The following SBF1 variants were observed in gnomAD, a reference collection of about 807,000 sequenced individuals.
SBF1 encodes the protein SET binding factor 1.
SBF1 carries 65 observed loss-of-function variants against 215.8 expected under a neutral mutation model. The observed-to-expected ratio is 0.30, with a 90% CI of 0.25 to 0.37. The LOEUF is 0.37. SBF1 is among the 10% of genes least tolerant of loss of function. The probability of loss-of-function intolerance (pLI) is 1.00; values close to 1 mark genes in which losing one functional copy is unlikely to be tolerated. For synonymous variants in SBF1, 1,410 were observed against 1,122.8 expected, an observed-to-expected ratio of 1.26 and a Z score of -5.11; for missense variants, 2,634 against 2,667.8, an observed-to-expected ratio of 0.99 and a Z score of 0.28.
At chr22:50,447,729 C>T in intron 38 of SBF1, 120 bp from the exon 39 acceptor site, 1 of 703,530 alleles carries the variant, frequency 1.4e-6, no homozygotes, top group South Asian at 1.7e-5. Flanking sequence ...ACCCTGTCCC[C>T]AGAACTGACC....
rs756954512 is a variant in SBF1 at position 50,464,813 on chromosome 22, T to A, written c.1431+6A>T. The A allele has an allele frequency of 2.9e-5, 46 of 1,613,366 alleles. No homozygotes were observed. The Admixed American group carries it at 5.3e-4, about 19-fold the overall frequency. ...ACGACGCCCTCCCGTCCTGCTACCC[T>A]CGTACGTTCTTGTAGAGCTGCTCTG... On this transcript the variant is annotated splice_donor_region_variant and intron_variant, in intron 13 of 40. Coordinates refer to ENST00000380817, the MANE Select transcript of SBF1 (RefSeq NM_002972.4).
chr22:50,456,918 G>A (rs998831757), intron 29 of SBF1, 116 bp downstream of exon 29: 54 of 908,890 alleles, frequency 5.9e-5, no homozygotes, highest in Middle Eastern at 2.2e-4. Flanking sequence ...CTCGGGAGAC[G>A]GGTCGTTAGT....
In SBF1 at chr22:50,461,548, G is replaced by T; in HGVS notation, c.2814C>A (p.Phe938Leu). 1 of 1,605,270 alleles carries T rather than the reference G, an allele frequency of 6.2e-7. No homozygotes were observed. Residue 938 changes from phenylalanine (F) to leucine (L), a missense_variant, in exon 22 of 41, where the codon TTC becomes TTA. By Grantham distance (22) the Phe-to-Leu change is conservative. Coordinates refer to ENST00000380817, the MANE Select transcript of SBF1 (RefSeq NM_002972.4). ...AVFLTTYRVI[F>L]TGMPTDPLVG... ...CCAGGGGGTCCGTGGGCATCCCCGT[G>T]AAGATGACCCGGTACGTGGTGAGGA...
chr22:50,452,328 C>T (rs2067078265), intron 36 of SBF1, among the ~76,000 whole-genome samples: 1 of 152,000 alleles, frequency 6.6e-6, no homozygotes, highest in Non-Finnish European at 1.5e-5. Flanking sequence ...AATAACCAGA[C>T]CAGATTATAC....
rs1427646408 is a variant in SBF1, at chr22:50,456,267, G to A, written c.4215C>T (p.Pro1405=). Residue 1405 remains proline, a synonymous_variant, in exon 31 of 41, where the codon CCC becomes CCT. Transcript: ENST00000380817. ...ACVPGCPAAE[P]SPASFLRSLE... ...GTGAGCGCAGGAAGGAGGCTGGGCTGGGCTCAGCAGCGGGGCAGCCTGGGA... is the reference window on the plus strand; with the variant it reads ...GTGAGCGCAGGAAGGAGGCTGGGCTAGGCTCAGCAGCGGGGCAGCCTGGGA... 6.2e-7 allele frequency: 1 copy of A among 1,612,744 alleles called. No individual in the cohort carries two copies. Among genetic ancestry groups the A allele is most frequent in the Non-Finnish European group, 8.5e-7 (1 of 1,179,954 alleles).
At chr22:50,464,511 C>T in intron 14 of SBF1, 23 bp downstream of exon 14, 4 of 1,602,902 alleles carry the variant, frequency 2.5e-6, no homozygotes, top group Non-Finnish European at 3.4e-6. Context: ...TCGGGGCCTG[C>T]CTTCCCCTCC....
chr22:50,459,961 A>G lies in SBF1; in HGVS notation c.3482T>C (p.Ile1161Thr). 1 of 1,613,734 alleles carries G rather than the reference A, an allele frequency of 6.2e-7. No individual in the cohort carries two copies. Among genetic ancestry groups the G allele is most frequent in the Non-Finnish European group, 8.5e-7 (1 of 1,179,924 alleles). ...RISPVNRMYAICRSYPGLLIV... is the reference protein window; with the variant it reads ...RISPVNRMYATCRSYPGLLIV... ...CCTGGCCGGCCCTCACCTGCGGCAG[A>G]TGGCATACATGCGGTTGACCGGAGA... Residue 1161 changes from isoleucine (I) to threonine (T), a missense_variant, in exon 26 of 41, where the codon ATC becomes ACC. Coordinates refer to ENST00000380817, the MANE Select transcript of SBF1 (RefSeq NM_002972.4).
rs377425965 is a variant in SBF1, at chr22:50,467,404, A to C, written c.483T>G (p.Asn161Lys). The change falls in exon 5 of 41, where the codon AAT becomes AAG. Residue 161 changes from asparagine (N) to lysine (K), a missense_variant. Coordinates refer to ENST00000380817, the MANE Select transcript of SBF1 (RefSeq NM_002972.4). ...TCCCAATCACGTTCTCCAGGCACAC[A>C]TTCAGGCCCTCCACGTGGATGGCAT... ...LIYAIHVEGL[N>K]VCLENVIGNL... The C allele has an allele frequency of 6.2e-7, 1 of 1,614,136 alleles. No individual in the cohort carries two copies. Among genetic ancestry groups the C allele is most frequent in the Non-Finnish European group, 8.5e-7 (1 of 1,180,012 alleles).
chr22:50,462,858 G>A lies in SBF1; in HGVS notation c.1968+12C>T, dbSNP rs764331357. ...GGGCTGGGAAGGAGACCTCAGCCATGCCAGCACTCACCCGGCAGAAGGCTG... is the reference window on the plus strand; with the variant it reads ...GGGCTGGGAAGGAGACCTCAGCCATACCAGCACTCACCCGGCAGAAGGCTG... On this transcript the variant is annotated intron_variant, in intron 17 of 40. Transcript: ENST00000380817. 12 of 1,612,964 alleles carry A rather than the reference G, an allele frequency of 7.4e-6. No individual in the cohort carries two copies. The highest frequency in any genetic ancestry group is 5.9e-6 in the Non-Finnish European group (7 of 1,179,894).
intron 36 of SBF1, among the ~76,000 whole-genome samples, chr22:50,449,766 C>T (rs1475032654): frequency 7.9e-5 from 12 of 152,152 alleles, no homozygotes; most frequent in Non-Finnish European, 1.0e-4. Context: ...AAACTGACGG[C>T]TGACTTCAAA....
In SBF1 at chr22:50,456,193, G is replaced by A. The variant is rs2067239403; in HGVS notation, c.4266+23C>T. 11 of 1,607,732 alleles carry A rather than the reference G, an allele frequency of 6.8e-6. No individual in the cohort carries two copies. In the African/African-American group the frequency reaches 1.2e-4, roughly 18 times the overall value. The stretch of plus-strand genomic sequence containing the variant: ...GGAGGGCCCAGCACCAAGGCGGGCA[G>A]AGGGACGGGGCAGTGCAGAGACCTG... On this transcript the variant is annotated intron_variant, in intron 31 of 40. Coordinates refer to ENST00000380817, the MANE Select transcript of SBF1 (RefSeq NM_002972.4).
At chr22:50,461,119 G>C (rs752427315) in intron 23 of SBF1, 40 bp downstream of exon 23, 4 of 1,559,676 alleles carry the variant, frequency 2.6e-6, no homozygotes, top group East Asian at 4.5e-5. Flanking sequence ...AGAAAGACCA[G>C]GGCGGGGGAT....
chr22:50,460,650 C>T lies in SBF1; in HGVS notation c.3030G>A (p.Gln1010=), dbSNP rs1310023347. Residue 1010 remains glutamine (Q), a synonymous_variant, in exon 24 of 41, where the codon CAG becomes CAA. Transcript: ENST00000380817. ...GSDSAELFRK[Q]LHKLRYPPDI... is the part of the protein sequence containing the mutation. Reference sequence around the variant, plus strand: ...CCGGCGGGTACCGCAGCTTATGCAGCTGCTTACGGAAGAGCTCGGCGCTGT... The same window carrying T: ...CCGGCGGGTACCGCAGCTTATGCAGTTGCTTACGGAAGAGCTCGGCGCTGT... 1.2e-6 allele frequency: 2 copies of T among 1,613,958 alleles called. No homozygotes were observed. Among genetic ancestry groups the T allele is most frequent in the African/African-American group, 1.3e-5 (1 of 74,946 alleles).
chr22:50,450,424 G>C (rs964584493), intron 36 of SBF1, among the ~76,000 whole-genome samples: 4 of 152,082 alleles, frequency 2.6e-5, no homozygotes, highest in African/African-American at 9.7e-5. Context: ...GGGAGGCTGA[G>C]GCAGGAGAAT....
At chr22:50,473,442 G>C (rs1435406081) in intron 1 of SBF1, among the ~76,000 whole-genome samples, 2 of 152,130 alleles carry the variant, frequency 1.3e-5, no homozygotes, top group African/African-American at 4.8e-5. Flanking sequence ...GTGGGGATGA[G>C]GACTATGTGG....
rs372088676 is a variant in SBF1, at chr22:50,471,821, C to T, written c.55+2965G>A. ...ACCCGCTCCAGAGGGAGGGCAGGAA[C>T]GTGGGTGGGGACAGTAGATGGGGCT... is the stretch of plus-strand genomic sequence containing the variant. On this transcript the variant is annotated intron_variant, in intron 1 of 40. Coordinates refer to ENST00000380817, the MANE Select transcript of SBF1 (RefSeq NM_002972.4). Among the ~76,000 whole-genome samples the T allele has an allele frequency of 3.9e-5, 6 of 152,248 alleles. No homozygotes were observed. The East Asian group carries it at 5.8e-4, about 15-fold the overall frequency.
intron 15 of SBF1, among the ~76,000 whole-genome samples, chr22:50,463,984 G>A (rs957891850): frequency 7.2e-5 from 11 of 152,174 alleles, no homozygotes; most frequent in African/African-American, 9.7e-5. Flanking sequence ...CGTATGGAGG[G>A]AGCAAGCTCT....
Position 50,447,382 on chromosome 22 carries a change from C to T in SBF1, c.5523G>A (p.Val1841=). 1 of 1,614,036 alleles carries T rather than the reference C, an allele frequency of 6.2e-7. No homozygotes were observed. Among genetic ancestry groups the T allele is most frequent in the Non-Finnish European group, 8.5e-7 (1 of 1,179,950 alleles). The change falls in exon 40 of 41, where the codon GTG becomes GTA. Residue 1841 remains valine (V), a synonymous_variant. Transcript: ENST00000380817. ...CACCCATAGTGGGCGTGCCAGGTGC[C>T]ACAGCCTCCACCTCCGCCAAGTCGA... ...GVIDLAEVEA[V]APGTPTMGAP...
intron 28 of SBF1, among the ~76,000 whole-genome samples, chr22:50,458,022 A>G (rs979391685): frequency 6.6e-6 from 1 of 152,244 alleles, no homozygotes; most frequent in Non-Finnish European, 1.5e-5. Flanking sequence ...AGAGCTGGCC[A>G]GGCGCAGTGG....
Sources: gnomAD v4.1 joint callset for allele counts (sites outside exome capture counted in the v4.1 genomes callset) on GRCh38, gnomAD v4.1.1 for gene constraint, MANE v1.5 for transcripts, NCBI Gene and HGNC (gene_info 2026-07-23, HGNC 2026-07-21) for gene names.